TRPC5: variants seen among roughly 807,000 people sequenced by gnomAD.
TRPC5 encodes transient receptor potential cation channel subfamily C member 5.
In TRPC5, 9 loss-of-function variants were observed where a neutral mutation model predicts 56.5. That is an observed-to-expected ratio of 0.16 (90% CI 0.10 to 0.28). The LOEUF (loss-of-function observed/expected upper bound fraction) is 0.28, where lower values mean the gene tolerates loss of function less well. Among genes scored for constraint, TRPC5 ranks in the 10% least tolerant of loss-of-function variants. TRPC5 has a pLI of 1.00. For synonymous variants in TRPC5, 282 were observed against 278.5 expected (o/e 1.01, Z -0.13); for missense variants, 469 against 748.9 (o/e 0.63, Z 4.36).
At chrX:112,051,249 T>C (rs5985672) in intron 1 of TRPC5, among the ~76,000 whole-genome samples, 1,625 of 112,262 alleles carry the variant, frequency 0.014, 40 homozygotes, top group African/African-American at 0.051. Context: ...CCTTCTCTTG[T>C]TCCTCCACCT....
chrX:111,795,234 C>A (rs1337244727), intron 7 of TRPC5, among the ~76,000 whole-genome samples: 2 of 110,658 alleles, frequency 1.8e-5, no homozygotes, highest in Non-Finnish European at 3.8e-5. Context: ...AGACAAAAAA[C>A]CTTCAATCTT....
At chrX:111,838,319 C>T (rs1409820872) in intron 6 of TRPC5, among the ~76,000 whole-genome samples, 2 of 110,402 alleles carry the variant, frequency 1.8e-5, no homozygotes, top group East Asian at 5.7e-4. Context: ...GAGAAGCTGG[C>T]CTGCTGAAAA....
intron 2 of TRPC5, among the ~76,000 whole-genome samples, chrX:111,923,389 A>T (rs1192346007): frequency 8.9e-6 from 1 of 111,961 alleles, no homozygotes; most frequent in East Asian, 2.8e-4. Context: ...TTTTCAAAAG[A>T]TAGGAGCTAA....
intron 3 of TRPC5, chrX:111,901,774 T>G (rs1925357348): frequency 1.2e-6 from 1 of 823,084 alleles, no homozygotes; most frequent in South Asian, 2.8e-5. Flanking sequence ...TAGCCCCTTA[T>G]ACTATCCATT....
At chrX:111,820,274 A>G (rs1308949397) in intron 7 of TRPC5, among the ~76,000 whole-genome samples, 1 of 111,535 alleles carries the variant, frequency 9.0e-6, no homozygotes, top group African/African-American at 3.3e-5. Flanking sequence ...GCCATATTTT[A>G]CCAGGCACCA....
intron 5 of TRPC5, among the ~76,000 whole-genome samples, chrX:111,849,849 G>A (rs1286501548): frequency 8.9e-6 from 1 of 112,085 alleles, no homozygotes; most frequent in Non-Finnish European, 1.9e-5. Flanking sequence ...CCCTGCTCAT[G>A]AGTATCAGAT....
intron 7 of TRPC5, among the ~76,000 whole-genome samples, chrX:111,825,104 TTC>T (rs1341953295): frequency 3.6e-5 from 4 of 110,539 alleles, no homozygotes; most frequent in Non-Finnish European, 7.6e-5. Context: ...TTCTTTCATT[TTC>T]TCTTTCTTTC....
At chrX:112,067,864 C>T (rs780428684) in intron 1 of TRPC5, among the ~76,000 whole-genome samples, 2 of 112,317 alleles carry the variant, frequency 1.8e-5, no homozygotes, top group African/African-American at 6.5e-5. Context: ...ACTGCATCCT[C>T]GAGCCTCCTC....
At chrX:111,859,080 G>A (rs1344856748) in intron 3 of TRPC5, among the ~76,000 whole-genome samples, 1 of 111,610 alleles carries the variant, frequency 9.0e-6, no homozygotes, top group Non-Finnish European at 1.9e-5. Context: ...GATGTTTTTG[G>A]ATAGTTGTCT....
chrX:111,920,659 C>CGG (rs1439182855), intron 2 of TRPC5, among the ~76,000 whole-genome samples: 5 of 110,867 alleles, frequency 4.5e-5, no homozygotes, highest in African/African-American at 1.6e-4. Context: ...CTGTCCTGAG[C>CGG]GGGGGGTATT....
At chrX:111,777,651 C>T (rs971061188) in intron 10 of TRPC5, among the ~76,000 whole-genome samples, 1 of 111,911 alleles carries the variant, frequency 8.9e-6, no homozygotes, top group African/African-American at 3.2e-5. Flanking sequence ...TTGCTTTCTC[C>T]AGTTTCATCT....
intron 3 of TRPC5, among the ~76,000 whole-genome samples, chrX:111,905,847 G>A (rs1439835250): frequency 7.6e-5 from 8 of 104,589 alleles, no homozygotes; most frequent in South Asian, 4.4e-4. Context: ...CCTGGGAGGC[G>A]GAGCTTGCAG....
chrX:111,803,777 A>G (rs1164687444), intron 7 of TRPC5, among the ~76,000 whole-genome samples: 1 of 111,765 alleles, frequency 8.9e-6, no homozygotes, highest in African/African-American at 3.3e-5. Context: ...TAGATTGCAA[A>G]AAATTTCTCC....
At chrX:111,852,224 T>C (rs910688491) in intron 5 of TRPC5, 74 bp downstream of exon 5, 1 of 1,007,054 alleles carries the variant, frequency 9.9e-7, no homozygotes, top group African/African-American at 1.9e-5. Flanking sequence ...CTCAAAACTC[T>C]TTATGCTCTC....
In TRPC5 at chrX:111,952,023, C is replaced by A. The variant is rs1317279129; in HGVS notation, c.378+20G>T. 2.5e-6 allele frequency: 3 copies of A among 1,187,828 alleles called. No individual in the cohort carries two copies. The highest frequency in any genetic ancestry group is 1.8e-5 in the African/African-American group (1 of 56,571). On this transcript the variant is annotated intron_variant, in intron 2 of 10. Transcript: ENST00000262839. ...CCTGTTGTGCCTGGCTATTTCCCAGCCTATAGGAATTTCTCTTACCTGCTT... is the reference window on the plus strand; with the variant it reads ...CCTGTTGTGCCTGGCTATTTCCCAGACTATAGGAATTTCTCTTACCTGCTT...
chrX:111,850,395 C>T (rs1227158585), intron 5 of TRPC5, among the ~76,000 whole-genome samples: 1 of 111,505 alleles, frequency 9.0e-6, no homozygotes, highest in Non-Finnish European at 1.9e-5. Context: ...CAGCTCATTC[C>T]TTGGTGCTTC....
At chrX:112,045,607 G>A (rs142246775) in intron 1 of TRPC5, among the ~76,000 whole-genome samples, 3,465 of 112,197 alleles carry the variant, frequency 0.031, 129 homozygotes, top group African/African-American at 0.096. Context: ...ATTGACAGAT[G>A]TGTAAAACAT....
intron 3 of TRPC5, among the ~76,000 whole-genome samples, chrX:111,884,528 C>T (rs2081105675): frequency 8.9e-6 from 1 of 112,776 alleles, no homozygotes; most frequent in Non-Finnish European, 1.9e-5. Context: ...TAACCAGGGC[C>T]AAAGCCCAGT....
At chrX:111,787,258 A>G (rs778226966) in intron 7 of TRPC5, among the ~76,000 whole-genome samples, 102 of 112,089 alleles carry the variant, frequency 9.1e-4, no homozygotes, top group African/African-American at 3.2e-3. Flanking sequence ...AAAATCACTC[A>G]AAACTGCACA....
Sources: gnomAD v4.1 joint callset for allele counts (sites outside exome capture counted in the v4.1 genomes callset) on GRCh38, gnomAD v4.1.1 for gene constraint, MANE v1.5 for transcripts, NCBI Gene and HGNC (gene_info 2026-07-23, HGNC 2026-07-21) for gene names.